Variants in NWD2 observed in about 807,000 individuals in gnomAD.
NWD2 encodes NACHT and WD repeat domain containing 2.
NWD2 carries 37 observed loss-of-function variants against 132.7 expected under a neutral mutation model. The observed-to-expected ratio is 0.28, with a 90% CI of 0.21 to 0.37. NWD2 has a LOEUF of 0.37. Among genes scored for constraint, NWD2 ranks in the 10% least tolerant of loss-of-function variants. NWD2 has a pLI of 1.00. For missense variants in NWD2, 1,592 were observed against 2,122.4 expected, an observed-to-expected ratio of 0.75 and a Z score of 4.91; for synonymous variants, 705 against 803.0, an observed-to-expected ratio of 0.88 and a Z score of 2.06.
chr4:37,356,255 G>C (rs1719869979), intron 2 of NWD2, 111 bp from the exon 3 acceptor site: 3 of 545,388 alleles, frequency 5.5e-6, no homozygotes, highest in Middle Eastern at 3.5e-4. Context: ...CTTCCCCTCT[G>C]TAAGAGAAAA....
At chr4:37,300,523 C>A (rs1236197193) in intron 1 of NWD2, among the ~76,000 whole-genome samples, 1 of 151,764 alleles carries the variant, frequency 6.6e-6, no homozygotes, top group African/African-American at 2.4e-5. Context: ...TTTTTCTTCC[C>A]AAAATTAAAA....
chr4:37,286,948 C>A (rs1189774736), intron 1 of NWD2, among the ~76,000 whole-genome samples: 9 of 152,144 alleles, frequency 5.9e-5, no homozygotes, highest in African/African-American at 1.7e-4. Context: ...GCGTGTGAAT[C>A]CTTCACCGGT....
rs116259742 is a variant in NWD2, at chr4:37,246,866, G to A, written c.151+1648G>A. ...TGCTAATATGTGTAATTTTTTTCTT[G>A]CTGTCTAGATTTGCAATTTCTAAGA... On this transcript the variant is annotated intron_variant, in intron 1 of 6. Transcript: ENST00000309447. Among the ~76,000 whole-genome samples, 1,245 of 152,074 alleles carry A rather than the reference G, an allele frequency of 8.2e-3. 17 individuals are homozygous for A. The highest frequency in any genetic ancestry group is 0.029 in the African/African-American group (1,190 of 41,464).
chr4:37,314,716 A>C (rs1187754371), intron 1 of NWD2, among the ~76,000 whole-genome samples: 1 of 152,070 alleles, frequency 6.6e-6, no homozygotes, highest in Non-Finnish European at 1.5e-5. Context: ...CTTTCAAGGA[A>C]CCAACTTTTT....
rs1164103249 is a variant in NWD2 at position 37,438,897 on chromosome 4, G to A, written c.803G>A (p.Arg268His). ...CYIRKIANIE[R>H]FVKIPEMGKY... ...ATTAGGAAAATTGCTAACATTGAGC[G>A]CTTTGTGAAAATCCCAGAGATGGGA... The change falls in exon 6 of 7, where the codon CGC (arginine) becomes CAC (histidine). Residue 268 changes from arginine to histidine, a missense_variant. By Grantham distance (29) the Arg-to-His change is conservative. Coordinates refer to ENST00000309447, the MANE Select transcript of NWD2 (RefSeq NM_001144990.2). 1.0e-5 allele frequency: 16 copies of A among 1,551,774 alleles called. No individual in the cohort carries two copies. Among genetic ancestry groups the A allele is most frequent in the African/African-American group, 2.7e-5 (2 of 73,024 alleles).
At chr4:37,247,539 T>C (rs942887045) in intron 1 of NWD2, among the ~76,000 whole-genome samples, 1 of 152,220 alleles carries the variant, frequency 6.6e-6, no homozygotes, top group Non-Finnish European at 1.5e-5. Context: ...TAGGTAGTGC[T>C]TTACAAGGCT....
Position 37,445,446 on chromosome 4 carries a change from C to G in NWD2, c.3458C>G (p.Thr1153Arg), listed in dbSNP as rs1250254694. The change falls in exon 7 of 7, where the codon ACA (threonine) becomes AGA (arginine). Residue 1153 changes from threonine to arginine, a missense_variant. Coordinates refer to ENST00000309447, the MANE Select transcript of NWD2 (RefSeq NM_001144990.2). The surrounding 1 kb of genome is among the most constrained non-coding windows in gnomAD (Gnocchi z 4.7). ...GTGAAGTTTCTTCTTATCTTGGACACAGCTCAGGAAATGGTCATGGTAGAC... is the reference window on the plus strand; with the variant it reads ...GTGAAGTTTCTTCTTATCTTGGACAGAGCTCAGGAAATGGTCATGGTAGAC... ...GFVKFLLILD[T>R]AQEMVMVDSE... The G allele has an allele frequency of 6.4e-6, 10 of 1,551,838 alleles. No homozygotes were observed. In the East Asian group the frequency reaches 2.4e-4, roughly 38 times the overall value.
intron 3 of NWD2, among the ~76,000 whole-genome samples, chr4:37,404,963 C>G (rs960754397): frequency 3.9e-5 from 6 of 152,188 alleles, no homozygotes; most frequent in African/African-American, 1.4e-4. Context: ...TCACCTCCCA[C>G]CAGGCCCCAT....
In NWD2 at chr4:37,400,530, C is replaced by G. The variant is rs572887915; in HGVS notation, c.358-30042C>G. Among the ~76,000 whole-genome samples the G allele has an allele frequency of 2.0e-5, 3 of 152,304 alleles. No homozygotes were observed. The South Asian group carries it at 6.2e-4, about 32-fold the overall frequency. On this transcript the variant is annotated intron_variant, in intron 3 of 6. Coordinates refer to ENST00000309447, the MANE Select transcript of NWD2 (RefSeq NM_001144990.2). Reference sequence around the variant, plus strand: ...TAGAAAAATGTACCTGATTCTTGCCCATGTTCAGAAAGCCAGCTAAGAATT... The same window carrying G: ...TAGAAAAATGTACCTGATTCTTGCCGATGTTCAGAAAGCCAGCTAAGAATT...
chr4:37,332,342 C>A (rs1199740298), intron 2 of NWD2, among the ~76,000 whole-genome samples: 1 of 152,090 alleles, frequency 6.6e-6, no homozygotes, highest in Non-Finnish European at 1.5e-5. Flanking sequence ...TGGACACCAG[C>A]TCAGCCACAG....
At chr4:37,352,082 G>A (rs1022838598) in intron 2 of NWD2, among the ~76,000 whole-genome samples, 1 of 152,120 alleles carries the variant, frequency 6.6e-6, no homozygotes, top group Admixed American at 6.5e-5. Flanking sequence ...ATTTGCTGAG[G>A]AGTGTTTCAC....
chr4:37,330,728 G>A (rs1485085316), intron 2 of NWD2, among the ~76,000 whole-genome samples: 2 of 152,172 alleles, frequency 1.3e-5, no homozygotes, highest in East Asian at 3.9e-4. Flanking sequence ...GCATTTAGTG[G>A]GGTTTTAGTA....
In NWD2 at chr4:37,381,114, C is replaced by G. The variant is rs959584610; in HGVS notation, c.357+24632C>G. On this transcript the variant is annotated intron_variant, in intron 3 of 6. Coordinates refer to ENST00000309447, the MANE Select transcript of NWD2 (RefSeq NM_001144990.2). The stretch of plus-strand genomic sequence containing the variant: ...TGATCCTAACACGTCAAGCCTCCCC[C>G]CAAGCCCTAGCCCCACCCCAAGAAG... 5.1e-4 allele frequency among the ~76,000 whole-genome samples: 77 copies of G among 152,286 alleles called. 1 individual carries two copies. Among genetic ancestry groups the G allele is most frequent in the Middle Eastern group, 3.4e-3 (1 of 294 alleles).
At chr4:37,270,810 C>T (rs1033454202) in intron 1 of NWD2, among the ~76,000 whole-genome samples, 2 of 151,484 alleles carry the variant, frequency 1.3e-5, no homozygotes, top group African/African-American at 2.4e-5. Context: ...TGGTTTTTAG[C>T]ACAAAGAAAT....
intron 1 of NWD2, among the ~76,000 whole-genome samples, chr4:37,263,913 G>A (rs185664538): frequency 6.6e-6 from 1 of 152,302 alleles, no homozygotes; most frequent in Admixed American, 6.5e-5. Flanking sequence ...TTTATTCAAT[G>A]CCTGTGAATA....
rs1444534856 is a variant in NWD2 at position 37,244,981 on chromosome 4, C to T, written c.-87C>T. ...CGCGCCGCCTGCTGAGATCGACCGC[C>T]TGCTGAGCCGTTCCGTGGAGCTGCG... On this transcript the variant is annotated 5_prime_UTR_variant, in exon 1 of 7. Transcript: ENST00000309447. This position sits in a 1 kb window ranked among gnomAD's most constrained non-coding sequence, Gnocchi z 5.5. The T allele has an allele frequency of 6.6e-7, 1 of 1,514,546 alleles. No homozygotes were observed. The highest frequency in any genetic ancestry group is 8.8e-7 in the Non-Finnish European group (1 of 1,131,114). The allele number at this position is 1,514,546 out of a possible 1,614,324, so 93.8% of individuals were successfully genotyped here.
At position 37,400,827 on chromosome 4, in the gene NWD2, C is replaced by T. The variant is rs75146894; in HGVS notation, c.358-29745C>T. 2.8e-3 allele frequency among the ~76,000 whole-genome samples: 424 copies of T among 152,280 alleles called. 1 individual carries two copies. Among genetic ancestry groups the T allele is most frequent in the African/African-American group, 9.3e-3 (385 of 41,564 alleles). ...CTGTGGTTCTTACGTTATGCTTAAA[C>T]GTCAACTGAAACAGACTTTACTTGA... On this transcript the variant is annotated intron_variant, in intron 3 of 6. Coordinates refer to ENST00000309447, the MANE Select transcript of NWD2 (RefSeq NM_001144990.2).
rs940201420 is a variant in NWD2 at position 37,448,822 on chromosome 4, A to G, written c.*1605A>G. The G allele has an allele frequency of 2.0e-5, 3 of 152,198 alleles. No homozygotes were observed. The highest frequency in any genetic ancestry group is 2.9e-5 in the Non-Finnish European group (2 of 68,030). 9.4% of individuals were successfully genotyped at this position (152,198 alleles called of 1,614,324 possible). ...GGACATTGGGAAGCAGTATAAGAAA[A>G]ACTTCAGCAACATCATGATTATTGA... On this transcript the variant is annotated 3_prime_UTR_variant, in exon 7 of 7. Coordinates refer to ENST00000309447, the MANE Select transcript of NWD2 (RefSeq NM_001144990.2).
At chr4:37,409,341 GCA>G (rs1721109329) in intron 3 of NWD2, among the ~76,000 whole-genome samples, 1 of 151,894 alleles carries the variant, frequency 6.6e-6, no homozygotes, top group South Asian at 2.1e-4. Context: ...GAAAAACACA[GCA>G]CAAGAACTTC....
Sources: allele counts gnomAD v4.1 joint callset (sites outside exome capture counted in the v4.1 genomes callset), GRCh38; gene constraint gnomAD v4.1.1; non-coding constraint Gnocchi (gnomAD v3.1); transcripts MANE v1.5; gene names NCBI Gene and HGNC (gene_info 2026-07-23, HGNC 2026-07-21).